MFSD8: variants seen among roughly 807,000 people sequenced by gnomAD.
MFSD8 encodes the protein major facilitator superfamily domain containing 8.
A neutral mutation model predicts 66.4 loss-of-function variants in MFSD8; 55 were observed. The ratio of observed to expected loss-of-function variants is 0.83; its 90% CI spans 0.67 to 1.04. The LOEUF is 1.04. MFSD8 is among the 50% of genes least tolerant of loss of function. The probability of loss-of-function intolerance (pLI) is 0.00; values close to 1 mark genes in which losing one functional copy is unlikely to be tolerated. For synonymous variants in MFSD8, 202 were observed against 212.8 expected, an observed-to-expected ratio of 0.95 and a Z score of 0.44; for missense variants, 550 against 627.6, an observed-to-expected ratio of 0.88 and a Z score of 1.32.
At chr4:127,933,791 T>G (rs1015002939) in intron 7 of MFSD8, 1 of 152,244 alleles carries the variant, frequency 6.6e-6, no homozygotes, top group African/African-American at 2.4e-5. Context: ...ACTTAAATCT[T>G]AGACTTACAA....
chr4:127,934,845 C>A (rs1738786566), intron 7 of MFSD8, among the ~76,000 whole-genome samples: 1 of 151,520 alleles, frequency 6.6e-6, no homozygotes, highest in Admixed American at 6.6e-5. Context: ...GTGTGAGCCA[C>A]CACGCCCAGC....
At chr4:127,924,197 G>T (rs1381231644) in intron 9 of MFSD8, among the ~76,000 whole-genome samples, 1 of 152,140 alleles carries the variant, frequency 6.6e-6, no homozygotes, top group South Asian at 2.1e-4. Context: ...TCAGGGATTC[G>T]ACTTCTTCCT....
intron 1 of MFSD8, among the ~76,000 whole-genome samples, chr4:127,963,536 G>C (rs1560785268): frequency 6.6e-6 from 1 of 152,228 alleles, no homozygotes; most frequent in East Asian, 1.9e-4. Context: ...TGGTGGGTTC[G>C]TGGTCTCGCT....
intron 11 of MFSD8, 123 bp downstream of exon 11, chr4:127,921,401 A>T: frequency 1.3e-6 from 2 of 1,508,490 alleles, no homozygotes; most frequent in Non-Finnish European, 1.8e-6. Context: ...TAAAAATTTT[A>T]AATGCTGAAT....
intron 4 of MFSD8, 122 bp from the exon 5 acceptor site, chr4:127,942,280 C>T (rs1446290069): frequency 1.4e-6 from 1 of 731,242 alleles, no homozygotes; most frequent in African/African-American, 1.7e-5. Context: ...ACTGCTTCCT[C>T]TTTATGATCA....
rs544674972 is a variant in MFSD8 at position 127,951,470 on chromosome 4, C to G, written c.155-1623G>C. ...TCTCGAACTCCTGACCTCAGGTGAT[C>G]TGCCTGCCTTGCCTCCCAAAGTGTT... On this transcript the variant is annotated intron_variant, in intron 2 of 11. Transcript: ENST00000641686. 5.9e-5 allele frequency among the ~76,000 whole-genome samples: 9 copies of G among 152,214 alleles called. No individual in the cohort carries two copies. The East Asian group carries it at 1.7e-3, about 29-fold the overall frequency.
At chr4:127,938,579 T>C (rs527739208) in intron 7 of MFSD8, among the ~76,000 whole-genome samples, 47 of 119,444 alleles carry the variant, frequency 3.9e-4, no homozygotes, top group Admixed American at 3.8e-3. Flanking sequence ...CGAAACTCTG[T>C]CTCAAAAAAA....
chr4:127,942,989 C>G (rs934658112), intron 4 of MFSD8, among the ~76,000 whole-genome samples: 1 of 151,596 alleles, frequency 6.6e-6, no homozygotes, highest in African/African-American at 2.4e-5. Context: ...GAGGCCGAGG[C>G]GAGTGGATCA....
At chr4:127,935,469 T>C (rs944190704) in intron 7 of MFSD8, among the ~76,000 whole-genome samples, 2 of 152,226 alleles carry the variant, frequency 1.3e-5, no homozygotes, top group Non-Finnish European at 2.9e-5. Context: ...TCAAATTCTA[T>C]GCAATTAGAA....
intron 1 of MFSD8, among the ~76,000 whole-genome samples, chr4:127,963,651 T>G (rs886509439): frequency 1.3e-5 from 2 of 151,866 alleles, no homozygotes; most frequent in Non-Finnish European, 2.9e-5. Flanking sequence ...GCTTCAGGAG[T>G]GAAACTGCAG....
chr4:127,940,516 G>GTATATATATATATATATA (rs67791219), intron 5 of MFSD8, among the ~76,000 whole-genome samples: 1 of 138,210 alleles, frequency 7.2e-6, no homozygotes, highest in African/African-American at 2.7e-5. Flanking sequence ...TCTGTATATG[G>GTATATATATATATATATA]TATATATATA....
intron 4 of MFSD8, among the ~76,000 whole-genome samples, chr4:127,942,780 C>T (rs1162913109): frequency 2.0e-5 from 3 of 151,708 alleles, no homozygotes; most frequent in Non-Finnish European, 4.4e-5. Flanking sequence ...ATATTACAAA[C>T]TCTGTATGCA....
At chr4:127,940,222 T>C (rs1739933938) in intron 5 of MFSD8, among the ~76,000 whole-genome samples, 1 of 151,958 alleles carries the variant, frequency 6.6e-6, no homozygotes, top group Admixed American at 6.6e-5. Flanking sequence ...ATAAAAGATA[T>C]ATGACACATC....
intron 10 of MFSD8, 40 bp downstream of exon 10, chr4:127,921,820 A>G (rs760268857): frequency 2.7e-5 from 43 of 1,613,520 alleles, no homozygotes; most frequent in Admixed American, 2.0e-4. Context: ...TTTTAGATAA[A>G]TAACAGAGGT....
chr4:127,957,185 T>C (rs1430581505), intron 2 of MFSD8, among the ~76,000 whole-genome samples: 1 of 152,172 alleles, frequency 6.6e-6, no homozygotes, highest in Non-Finnish European at 1.5e-5. Context: ...ATAATTCCAT[T>C]TATATGAGCT....
At chr4:127,963,093 T>A (rs1013277281) in intron 1 of MFSD8, among the ~76,000 whole-genome samples, 3 of 152,210 alleles carry the variant, frequency 2.0e-5, no homozygotes, top group Non-Finnish European at 2.9e-5. Context: ...GCCCATAAAC[T>A]AGGATCAGAA....
At chr4:127,917,760 A>C (rs1285219078), downstream of MFSD8, 2 of 152,214 alleles carry the variant, frequency 1.3e-5, no homozygotes, top group Non-Finnish European at 2.9e-5. Flanking sequence ...GTACCCCCTT[A>C]AATATGTACT....
intron 1 of MFSD8, 137 bp from the exon 2 acceptor site, chr4:127,957,729 T>C (rs1743129941): frequency 3.1e-6 from 2 of 640,054 alleles, no homozygotes; most frequent in South Asian, 3.9e-5. Context: ...GCTACACTAA[T>C]TTATCTATGA....
At chr4:127,920,969 T>A in intron 11 of MFSD8, 133 bp from the exon 12 acceptor site, 1 of 809,848 alleles carries the variant, frequency 1.2e-6, no homozygotes, top group Non-Finnish European at 1.9e-6. Flanking sequence ...AAATTAAACA[T>A]AAAATGCCTC....
Sources: gnomAD v4.1 joint callset for allele counts (sites outside exome capture counted in the v4.1 genomes callset) on GRCh38, gnomAD v4.1.1 for gene constraint, MANE v1.5 for transcripts, NCBI Gene and HGNC (gene_info 2026-07-23, HGNC 2026-07-21) for gene names.